DNAJC2: variants seen among roughly 807,000 people sequenced by gnomAD.
DNAJC2 encodes DnaJ heat shock protein family (Hsp40) member C2.
In DNAJC2, 32 loss-of-function variants were observed where a neutral mutation model predicts 94.0. That is an observed-to-expected ratio of 0.34 (90% CI 0.26 to 0.46). DNAJC2 has a LOEUF of 0.46. Ranked by LOEUF, DNAJC2 falls within the 20% of genes least tolerant of loss-of-function variation. The pLI is 1.00. For synonymous variants in DNAJC2, 210 were observed against 229.7 expected (o/e 0.91, Z 0.77); for missense variants, 550 against 719.5 (o/e 0.76, Z 2.69).
Position 103,344,731 on chromosome 7 carries a change from T to G in DNAJC2, c.-109A>C. On this transcript the variant is annotated 5_prime_UTR_variant, in exon 1 of 17. Transcript: ENST00000379263. ...CACTCCGAGCCTCGCGCCTTGGCTC[T>G]AAGACGCCCAGGAACCGGCGCATGG... 5.1e-6 allele frequency: 6 copies of G among 1,170,396 alleles called. No homozygotes were observed. The highest frequency in any genetic ancestry group is 1.3e-5 in the South Asian group (1 of 78,542). 72.5% of individuals were successfully genotyped at this position (1,170,396 alleles called of 1,614,324 possible). A position where few individuals can be genotyped will look rare whatever the true frequency, so the allele number is the denominator to read the frequency against.
chr7:103,321,772 C>G (rs1277068178), intron 10 of DNAJC2, among the ~76,000 whole-genome samples, 160 bp downstream of exon 10: 2 of 152,182 alleles, frequency 1.3e-5, no homozygotes, highest in African/African-American at 4.8e-5. Context: ...TCGCTCGAAC[C>G]CGGAGGCGGA....
chr7:103,320,230 A>T (rs547113998), intron 10 of DNAJC2, among the ~76,000 whole-genome samples: 1 of 151,920 alleles, frequency 6.6e-6, no homozygotes, highest in Non-Finnish European at 1.5e-5. Context: ...CTGGAATTAC[A>T]GGCGCCTGCC....
At chr7:103,337,439 A>G (rs1036695075) in intron 3 of DNAJC2, 2 of 258,344 alleles carry the variant, frequency 7.7e-6, no homozygotes, top group African/African-American at 4.5e-5. Context: ...ATACTTCTAA[A>G]GAGAGGTGAA....
chr7:103,321,815 T>C (rs569099930), intron 10 of DNAJC2, 117 bp downstream of exon 10: 3 of 1,227,292 alleles, frequency 2.4e-6, no homozygotes, highest in East Asian at 5.0e-5. Flanking sequence ...GCCACTGCAC[T>C]CCAGCCTGGG....
intron 15 of DNAJC2, among the ~76,000 whole-genome samples, chr7:103,315,082 C>T (rs1363526638): frequency 1.3e-5 from 2 of 152,078 alleles, no homozygotes; most frequent in African/African-American, 4.8e-5. Context: ...AAATTGACTT[C>T]ATGACCCAGT....
intron 1 of DNAJC2, among the ~76,000 whole-genome samples, chr7:103,343,103 G>A (rs1263810651): frequency 6.6e-6 from 1 of 151,938 alleles, no homozygotes; most frequent in African/African-American, 2.4e-5. Context: ...GGGTTCAAAC[G>A]ATTCTTCTGC....
Position 103,315,832 on chromosome 7 carries a change from T to C in DNAJC2, c.1568A>G (p.Asp523Gly), listed in dbSNP as rs527528677. The C allele has an allele frequency of 3.6e-5, 58 of 1,613,850 alleles. No homozygotes were observed. The African/African-American group carries it at 4.5e-4, about 13-fold the overall frequency. The change falls in exon 15 of 17, where the codon GAT becomes GGT. Residue 523 changes from aspartate (D) to glycine (G), a missense_variant. By Grantham distance (94) the Asp-to-Gly change is moderately conservative. This residue lies in a region of DNAJC2 where 271 missense variants were observed against 302.6 expected (regional missense o/e 0.90). Coordinates refer to ENST00000379263, the MANE Select transcript of DNAJC2 (RefSeq NM_014377.3). Reference sequence around the variant, plus strand: ...CACTCCATGTTCTTTTTTGAACTTATCAAATGCCTTTTTATTTATGTCATC... The same window carrying C: ...CACTCCATGTTCTTTTTTGAACTTACCAAATGCCTTTTTATTTATGTCATC... ...QKDDINKKAF[D>G]KFKKEHGVVP... is the part of the protein sequence containing the mutation.
At chr7:103,321,546 T>C (rs1187688219) in intron 10 of DNAJC2, among the ~76,000 whole-genome samples, 1 of 151,270 alleles carries the variant, frequency 6.6e-6, no homozygotes, top group African/African-American at 2.4e-5. Flanking sequence ...AAATAATTTT[T>C]TTTTTTCAAG....
At chr7:103,316,466 G>A (rs1034501849) in intron 13 of DNAJC2, 2 of 221,792 alleles carry the variant, frequency 9.0e-6, no homozygotes, top group Admixed American at 1.1e-4. Context: ...CTTTCTTGCA[G>A]TTAAACTCAA....
intron 10 of DNAJC2, 41 bp from the exon 11 acceptor site, chr7:103,319,885 T>C: frequency 1.9e-6 from 3 of 1,595,702 alleles, no homozygotes; most frequent in East Asian, 2.2e-5. Flanking sequence ...CACTCAAAAA[T>C]ACATCCATCA....
At chr7:103,344,240 G>T in intron 1 of DNAJC2, 1 of 381,104 alleles carries the variant, frequency 2.6e-6, no homozygotes, top group Non-Finnish European at 4.7e-6. Context: ...TCCACCGTAG[G>T]CAAGGAGATG....
At position 103,315,827 on chromosome 7, in the gene DNAJC2, A is replaced by C; in HGVS notation, c.1573T>G (p.Phe525Val). 1 of 1,613,784 alleles carries C rather than the reference A, an allele frequency of 6.2e-7. No homozygotes were observed. The highest frequency in any genetic ancestry group is 8.5e-7 in the Non-Finnish European group (1 of 1,179,844). The change falls in exon 15 of 17, where the codon TTC (phenylalanine) becomes GTC (valine). Residue 525 changes from phenylalanine to valine, a missense_variant. Around this residue, in one of 2 missense-constraint regions of DNAJC2, gnomAD observed 271 missense variants for 302.6 expected, o/e 0.90. Coordinates refer to ENST00000379263, the MANE Select transcript of DNAJC2 (RefSeq NM_014377.3). Reference sequence around the variant, plus strand: ...GGTACCACTCCATGTTCTTTTTTGAACTTATCAAATGCCTTTTTATTTATG... The same window carrying C: ...GGTACCACTCCATGTTCTTTTTTGACCTTATCAAATGCCTTTTTATTTATG... Reference protein sequence around the residue: ...DDINKKAFDKFKKEHGVVPQA... With the variant: ...DDINKKAFDKVKKEHGVVPQA...
chr7:103,317,270 G>C (rs1185507881), intron 12 of DNAJC2: 1 of 404,328 alleles, frequency 2.5e-6, no homozygotes, highest in Admixed American at 4.2e-5. Context: ...ACTTCCATTA[G>C]CCTTGGACAC....
intron 12 of DNAJC2, among the ~76,000 whole-genome samples, chr7:103,318,800 A>AT (rs900720045): frequency 2.6e-5 from 4 of 152,192 alleles, no homozygotes; most frequent in African/African-American, 9.7e-5. Flanking sequence ...CAAAACAATT[A>AT]TTTTTTTCTA....
intron 12 of DNAJC2, among the ~76,000 whole-genome samples, chr7:103,318,701 T>C (rs1470337607): frequency 2.6e-5 from 4 of 152,220 alleles, no homozygotes; most frequent in African/African-American, 9.6e-5. Context: ...TGTTTTCTTA[T>C]CTGTAAAATA....
chr7:103,319,068 C>A (rs1333539392), intron 12 of DNAJC2, among the ~76,000 whole-genome samples: 1 of 151,978 alleles, frequency 6.6e-6, no homozygotes, highest in African/African-American at 2.4e-5. Context: ...AAAAATCAGC[C>A]GGGCATGGTG....
At chr7:103,330,711 A>G (rs1466663174) in intron 3 of DNAJC2, among the ~76,000 whole-genome samples, 1 of 150,752 alleles carries the variant, frequency 6.6e-6, no homozygotes, top group Non-Finnish European at 1.5e-5. Flanking sequence ...CAGCCTCCCA[A>G]AGTGCTGGGA....
intron 12 of DNAJC2, among the ~76,000 whole-genome samples, chr7:103,317,709 G>A (rs1818149888): frequency 6.6e-6 from 1 of 152,100 alleles, no homozygotes; most frequent in African/African-American, 2.4e-5. Context: ...GGAGTGCAGT[G>A]GTGTGATTTC....
intron 12 of DNAJC2, 125 bp downstream of exon 12, chr7:103,319,484 C>G (rs879532458): frequency 1.0e-6 from 1 of 965,562 alleles, no homozygotes; most frequent in Admixed American, 2.5e-5. Context: ...AACAACAAAA[C>G]AGTGGGAAAC....
Sources: allele counts gnomAD v4.1 joint callset (sites outside exome capture counted in the v4.1 genomes callset), GRCh38; gene constraint gnomAD v4.1.1; regional missense constraint gnomAD v4.1.1; transcripts MANE v1.5; gene names NCBI Gene and HGNC (gene_info 2026-07-23, HGNC 2026-07-21).